Variants in POLR3G observed in about 807,000 individuals in gnomAD.
The protein encoded by POLR3G is DNA-directed RNA polymerase III subunit RPC7.
Under a neutral mutation model 30.1 loss-of-function variants are expected in POLR3G, and 28 were observed. The observed-to-expected ratio is 0.93, with a 90% CI of 0.69 to 1.27. The LOEUF (loss-of-function observed/expected upper bound fraction) is 1.27, where lower values mean the gene tolerates loss of function less well. POLR3G is among the 50% of genes most tolerant of loss of function. The pLI is 0.00. For missense variants in POLR3G, 254 were observed against 264.6 expected (o/e 0.96, Z 0.28); for synonymous variants, 79 against 82.5 (o/e 0.96, Z 0.23).
Position 90,514,151 on chromosome 5 carries a change from T to C in POLR3G, c.*2012T>C, listed in dbSNP as rs1055858196. On this transcript the variant is annotated 3_prime_UTR_variant, in exon 8 of 8. Coordinates refer to ENST00000651687, the MANE Select transcript of POLR3G (RefSeq NM_006467.3). ...GAAAGATCCTTTTACAATGTTAAAG[T>C]ATACTAGTTGCAAGAACAAGCAGGA... 6.6e-6 allele frequency: 1 copy of C among 152,192 alleles called. No homozygotes were observed. The highest frequency in any genetic ancestry group is 2.4e-5 in the African/African-American group (1 of 41,442). 9.4% of individuals were successfully genotyped at this position (152,192 alleles called of 1,614,324 possible).
rs536781930 is a variant in POLR3G, at chr5:90,476,436, A to G, written c.-44+1416A>G. On this transcript the variant is annotated intron_variant, in intron 1 of 7. Coordinates refer to ENST00000651687, the MANE Select transcript of POLR3G (RefSeq NM_006467.3). ...GTACCACAGAGGAAGTAAAAGCTAGATTCAGTAAGAATACAGGTGGAAGGG... is the reference window on the plus strand; with the variant it reads ...GTACCACAGAGGAAGTAAAAGCTAGGTTCAGTAAGAATACAGGTGGAAGGG... Among the ~76,000 whole-genome samples, 3 of 152,348 alleles carry G rather than the reference A, an allele frequency of 2.0e-5. No individual in the cohort carries two copies. The South Asian group carries it at 6.2e-4, about 32-fold the overall frequency.
chr5:90,484,996 T>C (rs897101041), intron 1 of POLR3G, among the ~76,000 whole-genome samples: 15 of 152,306 alleles, frequency 9.8e-5, no homozygotes, highest in Admixed American at 9.8e-4. Flanking sequence ...TGATTTTAAC[T>C]GTTTTTCTCT....
At chr5:90,476,354 T>A (rs1750817602) in intron 1 of POLR3G, among the ~76,000 whole-genome samples, 2 of 152,090 alleles carry the variant, frequency 1.3e-5, no homozygotes, top group African/African-American at 2.4e-5. Context: ...TCTCAGGAGT[T>A]TGAGGGAAGA....
At chr5:90,487,025 T>C (rs1293886437) in intron 2 of POLR3G, among the ~76,000 whole-genome samples, 1 of 152,204 alleles carries the variant, frequency 6.6e-6, no homozygotes, top group Non-Finnish European at 1.5e-5. Flanking sequence ...CACTTGTTAA[T>C]GAACATATTT....
chr5:90,514,102 G>T lies in POLR3G; in HGVS notation c.*1963G>T, dbSNP rs572603161. On this transcript the variant is annotated 3_prime_UTR_variant, in exon 8 of 8. Transcript: ENST00000651687. The stretch of plus-strand genomic sequence containing the variant: ...GCAAGGATTTACTCTGGGAGGTACC[G>T]TTAAGAGCCTTCTTTCCCCCTTTGA... The T allele has an allele frequency of 6.6e-6, 1 of 152,198 alleles. No individual in the cohort carries two copies. Among genetic ancestry groups the T allele is most frequent in the African/African-American group, 2.4e-5 (1 of 41,450 alleles). The allele number at this position is 152,198 out of a possible 1,614,324, so 9.4% of individuals were successfully genotyped here. A position where few individuals can be genotyped will look rare whatever the true frequency, so the allele number is the denominator to read the frequency against.
rs951863591 is a variant in POLR3G at position 90,512,671 on chromosome 5, A to G, written c.*532A>G. 2.6e-5 allele frequency: 4 copies of G among 152,680 alleles called. No homozygotes were observed. Among genetic ancestry groups the G allele is most frequent in the Non-Finnish European group, 5.9e-5 (4 of 68,066 alleles). The allele number at this position is 152,680 out of a possible 1,614,324, so 9.5% of individuals were successfully genotyped here. ...GCTCTTACAAGTACAGAATTGTGAG[A>G]CAGAGGTTTTGTGATGGAAAACATA... On this transcript the variant is annotated 3_prime_UTR_variant, in exon 8 of 8. Coordinates refer to ENST00000651687, the MANE Select transcript of POLR3G (RefSeq NM_006467.3).
At chr5:90,488,777 G>A (rs556212112) in intron 3 of POLR3G, among the ~76,000 whole-genome samples, 2 of 151,962 alleles carry the variant, frequency 1.3e-5, no homozygotes, top group South Asian at 2.1e-4. Context: ...TATCATTTAG[G>A]TGTTTGATAT....
At chr5:90,503,347 GACA>G (rs1752343317) in intron 6 of POLR3G, among the ~76,000 whole-genome samples, 1 of 152,180 alleles carries the variant, frequency 6.6e-6, no homozygotes, top group African/African-American at 2.4e-5. Context: ...TGGAGTTAGA[GACA>G]ACATGTCTGA....
intron 4 of POLR3G, among the ~76,000 whole-genome samples, chr5:90,496,006 CTGT>C (rs1751968079): frequency 2.0e-5 from 3 of 151,986 alleles, no homozygotes; most frequent in Admixed American, 2.0e-4. Flanking sequence ...GAGTCTTGCT[CTGT>C]CGCCCAGGCT....
chr5:90,502,019 C>G, intron 6 of POLR3G, 31 bp downstream of exon 6: 1 of 1,598,972 alleles, frequency 6.3e-7, no homozygotes, highest in Non-Finnish European at 8.5e-7. Context: ...TACAAGTGAA[C>G]TGAAAAAATG....
intron 1 of POLR3G, among the ~76,000 whole-genome samples, chr5:90,478,500 G>A (rs1750949520): frequency 6.7e-6 from 1 of 150,224 alleles, no homozygotes; most frequent in South Asian, 2.1e-4. Context: ...TGCGTCTTTA[G>A]GTAATCAAGT....
intron 7 of POLR3G, 84 bp downstream of exon 7, chr5:90,506,758 T>G (rs1306176948): frequency 1.4e-5 from 19 of 1,400,806 alleles, no homozygotes; most frequent in Non-Finnish European, 1.7e-5. Flanking sequence ...TTGAAATCAA[T>G]AAACAGAAAC....
chr5:90,496,215 G>T (rs777924476), intron 4 of POLR3G, among the ~76,000 whole-genome samples: 2 of 151,970 alleles, frequency 1.3e-5, no homozygotes, highest in East Asian at 1.9e-4. Context: ...TGATCCGCCC[G>T]CCTCAGCCTC....
At chr5:90,480,843 G>A (rs1751088823) in intron 1 of POLR3G, among the ~76,000 whole-genome samples, 1 of 152,146 alleles carries the variant, frequency 6.6e-6, no homozygotes, top group Non-Finnish European at 1.5e-5. Context: ...AGAGTGAAAG[G>A]TGTGACCCCT....
chr5:90,497,848 G>T (rs1002121769), intron 5 of POLR3G, 142 bp downstream of exon 5: 1 of 1,027,570 alleles, frequency 9.7e-7, no homozygotes, highest in African/African-American at 1.7e-5. Flanking sequence ...TCTCATGCCT[G>T]TAATCTCAGC....
chr5:90,495,688 T>C lies in POLR3G; in HGVS notation c.259T>C (p.Tyr87His). Residue 87 changes from tyrosine to histidine, a missense_variant, in exon 4 of 8, where the codon TAT (tyrosine) becomes CAT (histidine). Tyr to His is a moderately conservative substitution (Grantham distance 83, BLOSUM62 2). Transcript: ENST00000651687. ...CTTTTTTCCCCTAGATATTGAAAGG[T>C]ATAGTAAAAGATACATGAAGGTATA... ...TPEERQDIER[Y>H]SKRYMKVYKE... 1 of 1,601,338 alleles carries C rather than the reference T, an allele frequency of 6.2e-7. No homozygotes were observed. The highest frequency in any genetic ancestry group is 8.5e-7 in the Non-Finnish European group (1 of 1,174,170).
chr5:90,500,023 G>T (rs568377561), intron 5 of POLR3G, among the ~76,000 whole-genome samples: 9 of 152,274 alleles, frequency 5.9e-5, no homozygotes, highest in African/African-American at 2.2e-4. Context: ...TTTTGGAAGA[G>T]TTAATGTTTT....
rs547138589 is a variant in POLR3G at position 90,511,099 on chromosome 5, A to T, written c.586-954A>T. The stretch of plus-strand genomic sequence containing the variant: ...TAGCTAATCTTTCAACCACTCATTC[A>T]TCTACCCAATCCCTCCCTGTCCACC... On this transcript the variant is annotated intron_variant, in intron 7 of 7. Coordinates refer to ENST00000651687, the MANE Select transcript of POLR3G (RefSeq NM_006467.3). 4.5e-4 allele frequency among the ~76,000 whole-genome samples: 69 copies of T among 152,158 alleles called. No individual in the cohort carries two copies. In the South Asian group the frequency reaches 0.013, roughly 30 times the overall value.
At chr5:90,502,011 C>G (rs748802265) in intron 6 of POLR3G, 23 bp downstream of exon 6, 1 of 1,603,938 alleles carries the variant, frequency 6.2e-7, no homozygotes, top group East Asian at 2.3e-5. Flanking sequence ...TCTTACTATA[C>G]AAGTGAACTG....
Sources: gnomAD v4.1 joint callset for allele counts (sites outside exome capture counted in the v4.1 genomes callset) on GRCh38, gnomAD v4.1.1 for gene constraint, MANE v1.5 for transcripts, NCBI Gene and HGNC (gene_info 2026-07-23, HGNC 2026-07-21) for gene names.